Variants in GRID1 observed in about 807,000 individuals in gnomAD.
The protein encoded by GRID1 is glutamate ionotropic receptor delta type subunit 1.
GRID1 carries 28 observed loss-of-function variants against 98.0 expected under a neutral mutation model. That is an observed-to-expected ratio of 0.29 (90% confidence interval 0.21 to 0.39). The LOEUF is 0.39. Ranked by LOEUF, GRID1 falls within the 10% of genes least tolerant of loss-of-function variation. The pLI, the probability that GRID1 is intolerant of heterozygous loss-of-function variation, is 1.00. For synonymous variants in GRID1, 553 were observed against 538.5 expected (o/e 1.03, Z -0.37); for missense variants, 1,111 against 1,340.5 (o/e 0.83, Z 2.67).
At chr10:86,160,134 G>T (rs1363484311) in intron 3 of GRID1, among the ~76,000 whole-genome samples, 1 of 152,122 alleles carries the variant, frequency 6.6e-6, no homozygotes, top group Non-Finnish European at 1.5e-5. Flanking sequence ...TCAACTGGGG[G>T]ATTAAGCCAG....
chr10:86,005,328 A>AT, intron 4 of GRID1, among the ~76,000 whole-genome samples: 1 of 149,746 alleles, frequency 6.7e-6, no homozygotes, highest in Admixed American at 6.7e-5. Context: ...GCTCCATTCA[A>AT]TAAGTACTTG....
At chr10:86,018,928 T>A (rs1843013637) in intron 4 of GRID1, among the ~76,000 whole-genome samples, 1 of 152,200 alleles carries the variant, frequency 6.6e-6, no homozygotes, top group Non-Finnish European at 1.5e-5. Flanking sequence ...GCAAATTCCA[T>A]CCATGATGGG....
intron 12 of GRID1, among the ~76,000 whole-genome samples, chr10:85,686,944 A>T (rs1841276057): frequency 6.6e-6 from 1 of 152,134 alleles, no homozygotes; most frequent in Admixed American, 6.6e-5. Flanking sequence ...CAAAGAAGAA[A>T]TATACATTCA....
intron 2 of GRID1, among the ~76,000 whole-genome samples, chr10:86,214,294 C>G (rs1846146250): frequency 1.3e-5 from 2 of 152,314 alleles, no homozygotes; most frequent in South Asian, 4.2e-4. Flanking sequence ...TTGCTCACTG[C>G]CAGGACTCTT....
intron 12 of GRID1, among the ~76,000 whole-genome samples, chr10:85,703,480 T>C (rs558080402): frequency 5.3e-5 from 8 of 151,926 alleles, no homozygotes; most frequent in African/African-American, 1.7e-4. Context: ...AAAGGAAACA[T>C]AGTAAACTGG....
At chr10:86,134,501 A>C (rs1295022680) in intron 4 of GRID1, among the ~76,000 whole-genome samples, 3 of 152,142 alleles carry the variant, frequency 2.0e-5, no homozygotes, top group African/African-American at 7.2e-5. Flanking sequence ...CAACAATAAG[A>C]CATGTAAACT....
At chr10:85,803,531 T>C (rs1456351206) in intron 8 of GRID1, among the ~76,000 whole-genome samples, 2 of 151,728 alleles carry the variant, frequency 1.3e-5, no homozygotes, top group African/African-American at 4.8e-5. Context: ...TTAAAACAAC[T>C]AAAATCAAGC....
At chr10:85,729,846 T>A (rs1564572670) in intron 8 of GRID1, among the ~76,000 whole-genome samples, 1 of 152,226 alleles carries the variant, frequency 6.6e-6, no homozygotes, top group Non-Finnish European at 1.5e-5. Flanking sequence ...AGCACAGCCC[T>A]AAAATGAAAC....
intron 6 of GRID1, among the ~76,000 whole-genome samples, chr10:85,865,575 T>G (rs925384817): frequency 6.6e-6 from 1 of 152,168 alleles, no homozygotes; most frequent in African/African-American, 2.4e-5. Flanking sequence ...CTTCACTAAT[T>G]TCATCAAGAC....
At chr10:86,071,442 G>A (rs186641400) in intron 4 of GRID1, among the ~76,000 whole-genome samples, 189 of 152,292 alleles carry the variant, frequency 1.2e-3, no homozygotes, top group Admixed American at 2.7e-3. Flanking sequence ...ACAAAACTGC[G>A]TCCACAATAC....
At chr10:85,927,887 A>G (rs762732873) in intron 4 of GRID1, among the ~76,000 whole-genome samples, 4 of 152,228 alleles carry the variant, frequency 2.6e-5, no homozygotes, top group Non-Finnish European at 5.9e-5. Context: ...GCTGAAAAGT[A>G]GTTACAATAG....
At chr10:85,806,673 G>A (rs1842625765) in intron 8 of GRID1, among the ~76,000 whole-genome samples, 1 of 152,000 alleles carries the variant, frequency 6.6e-6, no homozygotes, top group South Asian at 2.1e-4. Flanking sequence ...AAAACATTAG[G>A]CTAATTAAAA....
At chr10:86,156,903 G>A (rs12248539) in intron 3 of GRID1, among the ~76,000 whole-genome samples, 4,284 of 152,284 alleles carry the variant, frequency 0.028, 225 homozygotes, top group African/African-American at 0.097. Context: ...AGAGTGGGAG[G>A]TGTGGCAACA....
intron 4 of GRID1, among the ~76,000 whole-genome samples, chr10:86,010,951 T>G (rs1168418257): frequency 6.6e-6 from 1 of 152,164 alleles, no homozygotes; most frequent in Non-Finnish European, 1.5e-5. Context: ...GATTCCAGTC[T>G]TTGCCCTAAA....
At chr10:85,926,810 C>G (rs111510623) in intron 4 of GRID1, among the ~76,000 whole-genome samples, 1 of 152,110 alleles carries the variant, frequency 6.6e-6, no homozygotes, top group Non-Finnish European at 1.5e-5. Context: ...ATCCTCACAT[C>G]GTGTGAGTGA....
chr10:85,880,788 G>T (rs2131802750), intron 5 of GRID1, among the ~76,000 whole-genome samples: 1 of 152,230 alleles, frequency 6.6e-6, no homozygotes, highest in South Asian at 2.1e-4. Flanking sequence ...TTAGGCAGGA[G>T]AAGGAAATAA....
chr10:86,004,749 C>CACACAAACAA (rs145254643), intron 4 of GRID1, among the ~76,000 whole-genome samples: 3 of 151,362 alleles, frequency 2.0e-5, no homozygotes, highest in Non-Finnish European at 4.4e-5. Context: ...CTCACACACA[C>CACACAAACAA]ACACACACAG....
chr10:86,067,091 A>G (rs569190728), intron 4 of GRID1, among the ~76,000 whole-genome samples: 1 of 152,320 alleles, frequency 6.6e-6, no homozygotes, highest in East Asian at 1.9e-4. Context: ...CTAATGAGGC[A>G]CGCAGGATGC....
rs576899678 is a variant in GRID1 at position 85,602,251 on chromosome 10, G to T, written c.*22C>A. On this transcript the variant is annotated 3_prime_UTR_variant, in exon 16 of 16. Transcript: ENST00000327946. ...TGCTGGTCGGGTGGGTGGGAGGGTG[G>T]GCAGGAGGGCAGGCGGCGCAGTCAG... 3.0e-5 allele frequency: 33 copies of T among 1,091,076 alleles called. No homozygotes were observed. The African/African-American group carries it at 4.7e-4, about 16-fold the overall frequency. The allele number at this position is 1,091,076 out of a possible 1,614,324, so 67.6% of individuals were successfully genotyped here.
Sources: allele counts gnomAD v4.1 joint callset (sites outside exome capture counted in the v4.1 genomes callset), GRCh38; gene constraint gnomAD v4.1.1; transcripts MANE v1.5; gene names NCBI Gene and HGNC (gene_info 2026-07-23, HGNC 2026-07-21).